EHMT1: variants seen among roughly 807,000 people sequenced by gnomAD.
The protein encoded by EHMT1 is histone-lysine N-methyltransferase EHMT1.
Under a neutral mutation model 147.2 loss-of-function variants are expected in EHMT1, and 15 were observed. That is an observed-to-expected ratio of 0.10 (90% CI 0.07 to 0.16). EHMT1 has a LOEUF of 0.16. Ranked by LOEUF, EHMT1 falls within the 10% of genes least tolerant of loss-of-function variation. The probability of loss-of-function intolerance (pLI) is 1.00; values close to 1 mark genes in which losing one functional copy is unlikely to be tolerated. For missense variants in EHMT1, 1,587 were observed against 1,772.4 expected, an observed-to-expected ratio of 0.90 and a Z score of 1.88; for synonymous variants, 795 against 709.6, an observed-to-expected ratio of 1.12 and a Z score of -1.91.
At position 137,782,794 on chromosome 9, in the gene EHMT1, G is replaced by A. The variant is rs563563629; in HGVS notation, c.2382+397G>A. 2.6e-4 allele frequency among the ~76,000 whole-genome samples: 39 copies of A among 152,268 alleles called. No homozygotes were observed. Among genetic ancestry groups the A allele is most frequent in the African/African-American group, 6.7e-4 (28 of 41,556 alleles). On this transcript the variant is annotated intron_variant, in intron 15 of 26. Coordinates refer to ENST00000460843, the MANE Select transcript of EHMT1 (RefSeq NM_024757.5). This position sits in a 1 kb window ranked among gnomAD's most constrained non-coding sequence, Gnocchi z 5.7. ...TGTGAGCATTTTCAAGCTGAACCAC[G>A]TCGTCTACAGGGTATGTTGTGTCTG...
intron 1 of EHMT1, among the ~76,000 whole-genome samples, chr9:137,623,302 C>G (rs890035256): frequency 2.6e-5 from 4 of 152,086 alleles, no homozygotes; most frequent in Admixed American, 1.3e-4. Context: ...TTCCCTGTGT[C>G]TGATGCTGCT....
At chr9:137,661,210 T>G (rs1296245141) in intron 1 of EHMT1, among the ~76,000 whole-genome samples, 3 of 152,334 alleles carry the variant, frequency 2.0e-5, no homozygotes, top group Non-Finnish European at 4.4e-5. Flanking sequence ...GTTAACATTT[T>G]ACCACATTTG....
At chr9:137,777,744 C>A in intron 12 of EHMT1, 138 bp from the exon 13 acceptor site, 2 of 1,306,504 alleles carry the variant, frequency 1.5e-6, no homozygotes, top group Non-Finnish European at 2.2e-6. Flanking sequence ...GAATCCTGAA[C>A]CGTTAAATCC....
At chr9:137,824,749 T>C (rs906124765) in intron 25 of EHMT1, among the ~76,000 whole-genome samples, 1 of 152,250 alleles carries the variant, frequency 6.6e-6, no homozygotes, top group Non-Finnish European at 1.5e-5. Context: ...TTTCATGTAT[T>C]ATAAACAGTA....
At chr9:137,625,081 C>T (rs1843170776) in intron 1 of EHMT1, among the ~76,000 whole-genome samples, 1 of 151,652 alleles carries the variant, frequency 6.6e-6, no homozygotes. Flanking sequence ...GGGGTTTCGC[C>T]ATATTGGCTG....
At chr9:137,808,021 C>T (rs1377907439) in intron 18 of EHMT1, among the ~76,000 whole-genome samples, 1 of 152,184 alleles carries the variant, frequency 6.6e-6, no homozygotes, top group Non-Finnish European at 1.5e-5. Flanking sequence ...GAACTTTGTT[C>T]TGGAACTCAG....
intron 25 of EHMT1, among the ~76,000 whole-genome samples, chr9:137,823,157 GAC>G (rs1470548759): frequency 3.4e-5 from 5 of 146,172 alleles, no homozygotes; most frequent in Non-Finnish European, 7.4e-5. Flanking sequence ...GGAGTGCAGT[GAC>G]GCAGTCTCGG....
At chr9:137,801,737 A>G (rs1368440658) in intron 18 of EHMT1, among the ~76,000 whole-genome samples, 1 of 152,072 alleles carries the variant, frequency 6.6e-6, no homozygotes, top group Non-Finnish European at 1.5e-5. Context: ...ACCTCAGGTG[A>G]TCTGCCCGCC....
chr9:137,677,046 C>G (rs997653311), intron 1 of EHMT1, among the ~76,000 whole-genome samples: 3 of 152,136 alleles, frequency 2.0e-5, no homozygotes, highest in African/African-American at 4.8e-5. Flanking sequence ...CCAGGCTGAT[C>G]TTGAACACCT....
intron 1 of EHMT1, among the ~76,000 whole-genome samples, chr9:137,685,995 C>T (rs1942392756): frequency 6.6e-6 from 1 of 152,194 alleles, no homozygotes; most frequent in Non-Finnish European, 1.5e-5. Flanking sequence ...CCAGGCTGGT[C>T]TCCAGCCCCT....
chr9:137,809,026 G>A (rs998565451), intron 18 of EHMT1, among the ~76,000 whole-genome samples: 4 of 152,184 alleles, frequency 2.6e-5, no homozygotes, highest in African/African-American at 9.6e-5. Context: ...TGTTCAAGGA[G>A]CTCTGAAATG....
intron 25 of EHMT1, among the ~76,000 whole-genome samples, chr9:137,825,865 G>C (rs763226891): frequency 3.9e-5 from 6 of 152,116 alleles, no homozygotes; most frequent in Admixed American, 6.5e-5. Flanking sequence ...CAGGGAGGAG[G>C]CGTGGCCTTT....
intron 1 of EHMT1, among the ~76,000 whole-genome samples, chr9:137,668,493 CT>C (rs1318550700): frequency 6.6e-6 from 1 of 152,188 alleles, no homozygotes; most frequent in Non-Finnish European, 1.5e-5. Flanking sequence ...ATATTAATGA[CT>C]TACTATATAC....
chr9:137,671,782 C>T (rs1439950954), intron 1 of EHMT1, among the ~76,000 whole-genome samples: 4 of 152,138 alleles, frequency 2.6e-5, no homozygotes, highest in Admixed American at 2.0e-4. Flanking sequence ...CCAGCCTTGG[C>T]CTTCCAAAGT....
At chr9:137,644,919 C>T (rs1203897228) in intron 1 of EHMT1, among the ~76,000 whole-genome samples, 1 of 152,210 alleles carries the variant, frequency 6.6e-6, no homozygotes, top group South Asian at 2.1e-4. Flanking sequence ...GTTGCCCAGG[C>T]TGGAGTGCAG....
At chr9:137,674,753 G>C (rs1941069378) in intron 1 of EHMT1, 1 of 152,254 alleles carries the variant, frequency 6.6e-6, no homozygotes, top group Non-Finnish European at 1.5e-5. Flanking sequence ...GCTTGTGTGG[G>C]TCACCACAGG....
chr9:137,779,038 G>A (rs905770570), intron 13 of EHMT1, among the ~76,000 whole-genome samples: 1 of 152,160 alleles, frequency 6.6e-6, no homozygotes, highest in Non-Finnish European at 1.5e-5. Context: ...ATTCATGAGG[G>A]ATCTGCCTCC....
chr9:137,765,816 T>A (rs1305439148), intron 10 of EHMT1, among the ~76,000 whole-genome samples: 1 of 152,148 alleles, frequency 6.6e-6, no homozygotes, highest in East Asian at 1.9e-4. Flanking sequence ...GCTGCCCATC[T>A]GTCCTTCAAT....
chr9:137,718,588 G>T (rs1341497736), intron 3 of EHMT1, among the ~76,000 whole-genome samples: 1 of 151,676 alleles, frequency 6.6e-6, no homozygotes, highest in Non-Finnish European at 1.5e-5. Flanking sequence ...TTAAATGGCC[G>T]GCTCTTCTGT....
Sources: allele counts gnomAD v4.1 joint callset (sites outside exome capture counted in the v4.1 genomes callset), GRCh38; gene constraint gnomAD v4.1.1; non-coding constraint Gnocchi (gnomAD v3.1); transcripts MANE v1.5; gene names NCBI Gene and HGNC (gene_info 2026-07-23, HGNC 2026-07-21).